ARB2A: variants seen among roughly 807,000 people sequenced by gnomAD.
ARB2A encodes the protein cotranscriptional regulator ARB2A.
the ARB2A span, among the ~76,000 whole-genome samples, chr5:93,948,037 A>C: frequency 2.6e-5 from 4 of 152,106 alleles, no homozygotes; most frequent in Non-Finnish European, 5.9e-5. Flanking sequence ...CAGTAATGGG[A>C]TGGCTGGGTC....
At chr5:94,109,781 C>A in the ARB2A span, among the ~76,000 whole-genome samples, 1 of 152,056 alleles carries the variant, frequency 6.6e-6, no homozygotes, top group Admixed American at 6.5e-5. Context: ...GATCTCCACT[C>A]AAGTGTTCCC....
the ARB2A span, among the ~76,000 whole-genome samples, chr5:93,646,394 A>G: frequency 2.0e-5 from 3 of 151,606 alleles, no homozygotes; most frequent in Non-Finnish European, 4.4e-5. Context: ...GATTCTACAA[A>G]TTTAAAACCC....
chr5:93,880,071 A>G, the ARB2A span, among the ~76,000 whole-genome samples: 1 of 151,868 alleles, frequency 6.6e-6, no homozygotes, highest in East Asian at 1.9e-4. Flanking sequence ...ATATAACCGC[A>G]TTGGAACAAA....
chr5:93,653,506 C>T, the ARB2A span, among the ~76,000 whole-genome samples: 6 of 41,636 alleles, frequency 1.4e-4, no homozygotes, highest in Admixed American at 9.3e-4. Context: ...AGCGAGACTC[C>T]GTCTCAAAAA....
At chr5:93,895,531 T>C in the ARB2A span, among the ~76,000 whole-genome samples, 1 of 152,166 alleles carries the variant, frequency 6.6e-6, no homozygotes, top group Non-Finnish European at 1.5e-5. Context: ...AATATTTACA[T>C]TAGAATTCAT....
At chr5:94,061,572 C>T in the ARB2A span, among the ~76,000 whole-genome samples, 1 of 152,242 alleles carries the variant, frequency 6.6e-6, no homozygotes, top group African/African-American at 2.4e-5. Flanking sequence ...AAAGAATCTC[C>T]TAGAACAAAC....
At chr5:93,626,093 T>A in the ARB2A span, among the ~76,000 whole-genome samples, 1 of 152,218 alleles carries the variant, frequency 6.6e-6, no homozygotes, top group Non-Finnish European at 1.5e-5. Context: ...CTTTGGCAGA[T>A]GTATATTATT....
At chr5:93,773,497 G>A in the ARB2A span, among the ~76,000 whole-genome samples, 1 of 152,158 alleles carries the variant, frequency 6.6e-6, no homozygotes, top group Non-Finnish European at 1.5e-5. Context: ...GACGCTAATG[G>A]CCCAAACTCT....
chr5:93,826,598 A>G, the ARB2A span, among the ~76,000 whole-genome samples: 1 of 151,974 alleles, frequency 6.6e-6, no homozygotes, highest in Non-Finnish European at 1.5e-5. Context: ...ATGTTTTTTT[A>G]ATTTTTTTTA....
the ARB2A span, among the ~76,000 whole-genome samples, chr5:93,726,667 T>G: frequency 6.6e-6 from 1 of 151,996 alleles, no homozygotes; most frequent in Non-Finnish European, 1.5e-5. Context: ...GAATCAATAC[T>G]TTTTCTTTTT....
At chr5:94,090,588 T>C in the ARB2A span, among the ~76,000 whole-genome samples, 1 of 152,210 alleles carries the variant, frequency 6.6e-6, no homozygotes, top group Non-Finnish European at 1.5e-5. Context: ...AGAGAGGGCA[T>C]CCTTGTCTTG....
the ARB2A span, among the ~76,000 whole-genome samples, chr5:94,086,887 G>A: frequency 6.6e-6 from 1 of 152,204 alleles, no homozygotes; most frequent in Admixed American, 6.5e-5. Context: ...TACTTTTCAC[G>A]TAAAGTGTAC....
At chr5:93,827,580 TGCAGAA>T in the ARB2A span, among the ~76,000 whole-genome samples, 1 of 152,158 alleles carries the variant, frequency 6.6e-6, no homozygotes, top group Non-Finnish European at 1.5e-5. Context: ...TCTTTTGCTG[TGCAGAA>T]GCTCTTTAGT....
At chr5:93,806,373 T>C in the ARB2A span, among the ~76,000 whole-genome samples, 6 of 151,946 alleles carry the variant, frequency 3.9e-5, no homozygotes, top group African/African-American at 1.4e-4. Flanking sequence ...TTTTATGATT[T>C]ATATACTATT....
chr5:93,939,874 C>T, the ARB2A span, among the ~76,000 whole-genome samples: 3 of 152,020 alleles, frequency 2.0e-5, no homozygotes, highest in Non-Finnish European at 4.4e-5. Context: ...TATACCATTT[C>T]TGCATGGCAG....
the ARB2A span, among the ~76,000 whole-genome samples, chr5:93,781,511 C>G: frequency 1.3e-5 from 2 of 152,106 alleles, no homozygotes; most frequent in Non-Finnish European, 2.9e-5. Flanking sequence ...GTATAGATGT[C>G]TTTTTGGTAA....
the ARB2A span, among the ~76,000 whole-genome samples, chr5:94,019,306 C>T: frequency 6.6e-6 from 1 of 152,086 alleles, no homozygotes; most frequent in Non-Finnish European, 1.5e-5. Flanking sequence ...CCAAAATTGA[C>T]AAATGGGATC....
the ARB2A span, among the ~76,000 whole-genome samples, chr5:93,912,526 T>G: frequency 6.6e-6 from 1 of 151,720 alleles, no homozygotes. Context: ...GCAAATATAA[T>G]AACACTTCAA....
chr5:93,903,746 T>C, the ARB2A span, among the ~76,000 whole-genome samples: 28 of 151,514 alleles, frequency 1.8e-4, no homozygotes, highest in African/African-American at 6.8e-4. Flanking sequence ...TGTGTGTGTA[T>C]AGTCCTAGCC....
Sources: gnomAD v4.1 joint callset for allele counts (sites outside exome capture counted in the v4.1 genomes callset) on GRCh38, gnomAD v4.1.1 for gene constraint, MANE v1.5 for transcripts, NCBI Gene and HGNC (gene_info 2026-07-23, HGNC 2026-07-21) for gene names.